Variants in SGCZ observed in about 807,000 individuals in gnomAD.
The protein encoded by SGCZ is sarcoglycan zeta, also known as zeta-sarcoglycan.
Under a neutral mutation model 41.3 loss-of-function variants are expected in SGCZ, and 40 were observed. The ratio of observed to expected loss-of-function variants is 0.97; its 90% confidence interval spans 0.75 to 1.26. The LOEUF (loss-of-function observed/expected upper bound fraction) is 1.26. SGCZ is among the 50% of genes most tolerant of loss of function. The probability of loss-of-function intolerance (pLI) is 0.00; values close to 1 mark genes in which losing one functional copy is unlikely to be tolerated. For missense variants in SGCZ, 552 were observed against 369.8 expected, an observed-to-expected ratio of 1.49 and a Z score of -4.04; for synonymous variants, 206 against 137.5, an observed-to-expected ratio of 1.50 and a Z score of -3.49.
intron 2 of SGCZ, among the ~76,000 whole-genome samples, chr8:14,336,989 G>A (rs1022904537): frequency 3.3e-5 from 5 of 152,126 alleles, no homozygotes; most frequent in South Asian, 2.1e-4. Flanking sequence ...GGTGTACAGA[G>A]GGAAGTGCTG....
chr8:15,028,459 AG>A (rs1303271891), intron 1 of SGCZ, among the ~76,000 whole-genome samples: 1 of 151,740 alleles, frequency 6.6e-6, no homozygotes, highest in Admixed American at 6.6e-5. Context: ...CAGTTTCATA[AG>A]GAACACCATC....
chr8:14,894,256 G>T (rs1232960215), intron 1 of SGCZ, among the ~76,000 whole-genome samples: 2 of 151,808 alleles, frequency 1.3e-5, no homozygotes, highest in Non-Finnish European at 2.9e-5. Flanking sequence ...TCCGAATTAA[G>T]TTAAGCAACT....
chr8:14,628,247 AG>A (rs1228862556), intron 1 of SGCZ, among the ~76,000 whole-genome samples: 7 of 152,142 alleles, frequency 4.6e-5, no homozygotes, highest in Admixed American at 3.3e-4. Context: ...ATCATGAAAA[AG>A]CTTGAACAAA....
chr8:14,476,143 C>T (rs975241830), intron 2 of SGCZ, among the ~76,000 whole-genome samples: 6 of 152,090 alleles, frequency 3.9e-5, no homozygotes, highest in South Asian at 2.1e-4. Context: ...AATGCCCTGA[C>T]GGCTGGGAAA....
chr8:14,282,073 T>C (rs1222755493), intron 3 of SGCZ, among the ~76,000 whole-genome samples: 2 of 152,142 alleles, frequency 1.3e-5, no homozygotes, highest in Admixed American at 6.5e-5. Context: ...AGTCTTTCTA[T>C]ATTCTTCATA....
chr8:14,778,543 A>T (rs1800484025), intron 1 of SGCZ, among the ~76,000 whole-genome samples: 1 of 152,200 alleles, frequency 6.6e-6, no homozygotes, highest in African/African-American at 2.4e-5. Flanking sequence ...CAGAAAAGAC[A>T]GTGTATAGTC....
chr8:14,597,554 C>T (rs552345214), intron 1 of SGCZ, among the ~76,000 whole-genome samples: 5 of 152,220 alleles, frequency 3.3e-5, no homozygotes, highest in African/African-American at 7.2e-5. Flanking sequence ...CTGCAACCTC[C>T]GCCTTCTGGG....
At chr8:14,160,769 C>T (rs561364160) in intron 5 of SGCZ, among the ~76,000 whole-genome samples, 2 of 152,162 alleles carry the variant, frequency 1.3e-5, no homozygotes, top group African/African-American at 4.8e-5. Flanking sequence ...CAGGTAAATT[C>T]CTGCTGCTTT....
At chr8:14,970,915 T>C (rs1365484712) in intron 1 of SGCZ, among the ~76,000 whole-genome samples, 1 of 152,198 alleles carries the variant, frequency 6.6e-6, no homozygotes, top group African/African-American at 2.4e-5. Context: ...ATGTTGTATC[T>C]TTCCAGCCAT....
intron 1 of SGCZ, among the ~76,000 whole-genome samples, chr8:14,834,096 G>A (rs1802618040): frequency 1.3e-5 from 2 of 152,084 alleles, no homozygotes; most frequent in South Asian, 2.1e-4. Flanking sequence ...TAAATAAATT[G>A]AAAAGGGCTT....
chr8:15,134,304 C>CTTT (rs59649473), intron 1 of SGCZ, among the ~76,000 whole-genome samples: 3,733 of 145,672 alleles, frequency 0.026, 72 homozygotes, highest in Non-Finnish European at 0.037. Context: ...AGCATTAGGT[C>CTTT]TTTTTTTTTT....
chr8:14,821,859 C>G (rs557005186), intron 1 of SGCZ, among the ~76,000 whole-genome samples: 3 of 151,930 alleles, frequency 2.0e-5, no homozygotes, highest in Admixed American at 2.0e-4. Context: ...ACTATCATAC[C>G]GAATGGGGAA....
At chr8:14,428,827 A>T (rs1394910714) in intron 2 of SGCZ, among the ~76,000 whole-genome samples, 2 of 152,218 alleles carry the variant, frequency 1.3e-5, no homozygotes, top group African/African-American at 4.8e-5. Flanking sequence ...GTTCACATGT[A>T]GATATAAGTT....
chr8:14,611,952 G>C (rs1199484875), intron 1 of SGCZ, among the ~76,000 whole-genome samples: 1 of 152,092 alleles, frequency 6.6e-6, no homozygotes, highest in Non-Finnish European at 1.5e-5. Context: ...TAAATATTAT[G>C]TCTTAAAAAT....
intron 1 of SGCZ, among the ~76,000 whole-genome samples, chr8:14,756,019 A>G (rs2130335889): frequency 6.6e-6 from 1 of 152,272 alleles, no homozygotes; most frequent in Non-Finnish European, 1.5e-5. Flanking sequence ...TACTAAGAAG[A>G]GTGAAAAAAC....
chr8:14,204,568 A>G (rs1483305379), intron 4 of SGCZ, among the ~76,000 whole-genome samples: 1 of 152,074 alleles, frequency 6.6e-6, no homozygotes, highest in Non-Finnish European at 1.5e-5. Flanking sequence ...GTAAAGCATT[A>G]TTTCTGGGTG....
At chr8:15,216,402 A>T (rs986879249) in intron 1 of SGCZ, among the ~76,000 whole-genome samples, 3 of 151,572 alleles carry the variant, frequency 2.0e-5, no homozygotes, top group African/African-American at 7.3e-5. Flanking sequence ...TTATATTTTT[A>T]GTAGAGACGG....
At chr8:14,911,196 CA>C (rs1359597364) in intron 1 of SGCZ, among the ~76,000 whole-genome samples, 7 of 151,918 alleles carry the variant, frequency 4.6e-5, no homozygotes, top group African/African-American at 1.4e-4. Context: ...GGCTGTAATT[CA>C]AATTGTCAAA....
chr8:14,802,995 T>C (rs28470908), intron 1 of SGCZ, among the ~76,000 whole-genome samples: 16,216 of 152,172 alleles, frequency 0.11, 1,503 homozygotes, highest in African/African-American at 0.24. Flanking sequence ...GACTCTGCTG[T>C]CTTGCCCACT....
Sources: gnomAD v4.1 joint callset for allele counts (sites outside exome capture counted in the v4.1 genomes callset) on GRCh38, gnomAD v4.1.1 for gene constraint, MANE v1.5 for transcripts, NCBI Gene and HGNC (gene_info 2026-07-23, HGNC 2026-07-21) for gene names.